The following SUOX variants were observed in gnomAD, a reference collection of about 807,000 sequenced individuals.
SUOX encodes sulfite oxidase, also known as sulfite oxidase, mitochondrial.
In SUOX, 39 loss-of-function variants were observed where a neutral mutation model predicts 41.9. That is an observed-to-expected ratio of 0.93 (90% confidence interval 0.72 to 1.21). The LOEUF (loss-of-function observed/expected upper bound fraction) is 1.21, where lower values mean the gene tolerates loss of function less well. SUOX is among the 50% of genes most tolerant of loss of function. The pLI is 0.00. For synonymous variants in SUOX, 220 were observed against 268.4 expected (o/e 0.82, Z 1.76); for missense variants, 633 against 689.5 (o/e 0.92, Z 0.92).
chr12:56,004,955 G>A lies in SUOX; in HGVS notation c.1566G>A (p.Val522=), dbSNP rs751054277. The change falls in exon 5 of 5, where the codon GTG becomes GTA. Residue 522 remains valine, a synonymous_variant. Coordinates refer to ENST00000266971, the MANE Select transcript of SUOX (RefSeq NM_001032386.2). The surrounding 1 kb of genome is among the most constrained non-coding windows in gnomAD (Gnocchi z 4.5). ...GTTACAATGTGCAGCCAGACACCGT[G>A]GCCCCAATCTGGAACCTGCGAGGTG... ...DDGYNVQPDT[V]APIWNLRGVL... The A allele has an allele frequency of 1.2e-6, 2 of 1,614,186 alleles. No individual in the cohort carries two copies. Among genetic ancestry groups the A allele is most frequent in the East Asian group, 2.2e-5 (1 of 44,890 alleles).
chr12:56,004,985 C>T lies in SUOX; in HGVS notation c.1596C>T (p.Leu532=). The T allele has an allele frequency of 1.2e-6, 2 of 1,614,008 alleles. No individual in the cohort carries two copies. The highest frequency in any genetic ancestry group is 1.7e-6 in the Non-Finnish European group (2 of 1,180,038). ...CAATCTGGAACCTGCGAGGTGTTCTCAGCAATGCCTGGCATCGTGTCCATG... is the reference window on the plus strand; with the variant it reads ...CAATCTGGAACCTGCGAGGTGTTCTTAGCAATGCCTGGCATCGTGTCCATG... ...VAPIWNLRGV[L]SNAWHRVHVY... is the part of the protein sequence containing the mutation. Residue 532 remains leucine (L), a synonymous_variant, in exon 5 of 5, where the codon CTC becomes CTT. Transcript: ENST00000266971. The surrounding 1 kb of genome is among the most constrained non-coding windows in gnomAD (Gnocchi z 4.5).
rs1890708175 is a variant in SUOX at position 56,005,480 on chromosome 12, C to T, written c.*453C>T. Reference sequence around the variant, plus strand: ...GAGAGCAAGGGGCACAACCGTCTCCCTTTATAGTTCTACTTTTCTAATAAA... The same window carrying T: ...GAGAGCAAGGGGCACAACCGTCTCCTTTTATAGTTCTACTTTTCTAATAAA... On this transcript the variant is annotated 3_prime_UTR_variant, in exon 5 of 5. Coordinates refer to ENST00000266971, the MANE Select transcript of SUOX (RefSeq NM_001032386.2). The T allele has an allele frequency of 2.4e-6, 1 of 408,866 alleles. No individual in the cohort carries two copies. The highest frequency in any genetic ancestry group is 4.3e-6 in the Non-Finnish European group (1 of 230,574). 25.3% of individuals were successfully genotyped at this position (408,866 alleles called of 1,614,324 possible). A position where few individuals can be genotyped will look rare whatever the true frequency, so the allele number is the denominator to read the frequency against.
At chr12:56,001,147 TG>T (rs1890511232) in intron 2 of SUOX, among the ~76,000 whole-genome samples, 2 of 89,868 alleles carry the variant, frequency 2.2e-5, no homozygotes, top group Non-Finnish European at 4.3e-5. Flanking sequence ...TTTTTTGAGA[TG>T]GAGTCTCTCT....
At position 56,004,679 on chromosome 12, in the gene SUOX, A is replaced by C. The variant is rs1890676035; in HGVS notation, c.1290A>C (p.Thr430=). The C allele has an allele frequency of 6.2e-7, 1 of 1,613,786 alleles. No individual in the cohort carries two copies. The highest frequency in any genetic ancestry group is 1.3e-5 in the African/African-American group (1 of 74,914). ...AACTTCCTGTCCAGTCGGCCATCAC[A>C]GAGCCCCGGGATGGAGAGACTGTAG... is the stretch of plus-strand genomic sequence containing the variant. ...IQELPVQSAI[T]EPRDGETVES... The change falls in exon 5 of 5, where the codon ACA becomes ACC. Residue 430 remains threonine, a synonymous_variant. Transcript: ENST00000266971. This position sits in a 1 kb window ranked among gnomAD's most constrained non-coding sequence, Gnocchi z 4.5.
Position 56,005,485 on chromosome 12 carries a change from T to C in SUOX, c.*458T>C. ...CAAGGGGCACAACCGTCTCCCTTTA[T>C]AGTTCTACTTTTCTAATAAATAGTC... On this transcript the variant is annotated 3_prime_UTR_variant, in exon 5 of 5. Coordinates refer to ENST00000266971, the MANE Select transcript of SUOX (RefSeq NM_001032386.2). 2.5e-6 allele frequency: 1 copy of C among 399,908 alleles called. No homozygotes were observed. Among genetic ancestry groups the C allele is most frequent in the Non-Finnish European group, 4.4e-6 (1 of 224,726 alleles). The allele number at this position is 399,908 out of a possible 1,614,324, so 24.8% of individuals were successfully genotyped here.
intron 3 of SUOX, 27 bp downstream of exon 3, chr12:56,002,298 C>T: frequency 6.2e-7 from 1 of 1,607,768 alleles, no homozygotes. Flanking sequence ...CAGGACTTGC[C>T]TCCTAGCCCC....
intron 2 of SUOX, chr12:56,001,332 C>T (rs1890519853): frequency 1.3e-5 from 2 of 148,698 alleles, no homozygotes; most frequent in African/African-American, 5.0e-5. Context: ...CCATTTTGGC[C>T]AGGCTGGTCT....
Position 56,004,011 on chromosome 12 carries a change from A to G in SUOX, c.622A>G (p.Ile208Val). ...CCCTGAGCTGCTGACAGAAAACTAC[A>G]TCACACCCAACCCTATCTTCTTCAC... ...PPPELLTENY[I>V]TPNPIFFTRN... Residue 208 changes from isoleucine to valine, a missense_variant, in exon 5 of 5, where the codon ATC becomes GTC. Coordinates refer to ENST00000266971, the MANE Select transcript of SUOX (RefSeq NM_001032386.2). The surrounding 1 kb of genome is among the most constrained non-coding windows in gnomAD (Gnocchi z 4.5). 1 of 1,614,102 alleles carries G rather than the reference A, an allele frequency of 6.2e-7. No individual in the cohort carries two copies. The highest frequency in any genetic ancestry group is 8.5e-7 in the Non-Finnish European group (1 of 1,180,008).
intron 2 of SUOX, among the ~76,000 whole-genome samples, chr12:55,999,749 G>C (rs530569153): frequency 1.6e-3 from 250 of 152,306 alleles, no homozygotes; most frequent in Non-Finnish European, 3.2e-3. Flanking sequence ...CTCTTATCTG[G>C]TGCCACCCAC....
Position 56,004,340 on chromosome 12 carries a change from C to T in SUOX, c.951C>T (p.Cys317=), listed in dbSNP as rs1340558268. The T allele has an allele frequency of 3.7e-6, 6 of 1,614,026 alleles. No individual in the cohort carries two copies. Among genetic ancestry groups the T allele is most frequent in the Admixed American group, 1.7e-5 (1 of 60,010 alleles). Residue 317 remains cysteine, a synonymous_variant, in exon 5 of 5, where the codon TGC becomes TGT. Coordinates refer to ENST00000266971, the MANE Select transcript of SUOX (RefSeq NM_001032386.2). The surrounding 1 kb of genome is among the most constrained non-coding windows in gnomAD (Gnocchi z 4.5). ...HQLCETEAHV[C]FEGLDSDPTG... ...TCTGTGAAACTGAGGCCCACGTCTG[C>T]TTTGAGGGACTGGACTCAGACCCTA... is the stretch of plus-strand genomic sequence containing the variant.
rs1363762298 is a variant in SUOX, at chr12:55,998,994, T to C, written c.-11+1271T>C. ...TGCCCAGTTAATTTGTTTTTTTTTT[T>C]CTAGAGACACAGTCTCACTATGTTG... On this transcript the variant is annotated intron_variant, in intron 2 of 4. Coordinates refer to ENST00000266971, the MANE Select transcript of SUOX (RefSeq NM_001032386.2). 3.3e-5 allele frequency among the ~76,000 whole-genome samples: 5 copies of C among 151,858 alleles called. No homozygotes were observed. The South Asian group carries it at 8.3e-4, about 25-fold the overall frequency.
At chr12:55,999,553 C>G (rs1081975) in intron 2 of SUOX, 60,309 of 153,236 alleles carry the variant, frequency 0.39, 12,107 homozygotes, top group African/African-American at 0.45. Flanking sequence ...TGGGTTCGTG[C>G]TCTTGCTGGC....
intron 4 of SUOX, chr12:56,003,031 T>C (rs1453194502): frequency 8.7e-5 from 17 of 195,704 alleles, no homozygotes; most frequent in South Asian, 2.0e-4. Flanking sequence ...AGACTCCATC[T>C]CAAAAAAAAA....
chr12:56,003,188 C>A lies in SUOX; in HGVS notation c.229-430C>A, dbSNP rs975950443. 1.6e-5 allele frequency: 4 copies of A among 247,942 alleles called. No homozygotes were observed. In the South Asian group the frequency reaches 2.2e-4, roughly 13 times the overall value. The allele number at this position is 247,942 out of a possible 1,614,324, so 15.4% of individuals were successfully genotyped here. A position where few individuals can be genotyped will look rare whatever the true frequency, so the allele number is the denominator to read the frequency against. On this transcript the variant is annotated intron_variant, in intron 4 of 4. Transcript: ENST00000266971. Reference sequence around the variant, plus strand: ...ATGAAATCTGCTAATCTGCTACCTTCGCTTCCCAGTGGCCAACACCGTGGG... The same window carrying A: ...ATGAAATCTGCTAATCTGCTACCTTAGCTTCCCAGTGGCCAACACCGTGGG...
Position 56,003,682 on chromosome 12 carries a change from C to T in SUOX, c.293C>T (p.Thr98Ile), listed in dbSNP as rs1890616969. 1.2e-6 allele frequency: 2 copies of T among 1,613,556 alleles called. No homozygotes were observed. Among genetic ancestry groups the T allele is most frequent in the Admixed American group, 3.3e-5 (2 of 59,940 alleles). The change falls in exon 5 of 5, where the codon ACT (threonine) becomes ATT (isoleucine). Residue 98 changes from threonine (T) to isoleucine (I), a missense_variant. Coordinates refer to ENST00000266971, the MANE Select transcript of SUOX (RefSeq NM_001032386.2). The part of the protein sequence containing the change: ...EEVSSHTSPE[T>I]GIWVTLGSEV... ...GTGAGTTCCCACACCAGCCCTGAGA[C>T]TGGGATCTGGGTGACTCTGGGCTCT... is the stretch of plus-strand genomic sequence containing the variant.
Position 56,003,604 on chromosome 12 carries a change from TTCC to T in SUOX, c.229-13_229-11del, listed in dbSNP as rs755385213. Reference sequence around the variant, plus strand: ...AGTCTCTTCCCTTTTATCTTACTCCTTCCCTGCCAATAGGCTGCTCAGGAGTCA... The same window carrying T: ...AGTCTCTTCCCTTTTATCTTACTCCTCTGCCAATAGGCTGCTCAGGAGTCA... On this transcript the variant is annotated splice_polypyrimidine_tract_variant and intron_variant, in intron 4 of 4. Coordinates refer to ENST00000266971, the MANE Select transcript of SUOX (RefSeq NM_001032386.2). 5.6e-6 allele frequency: 9 copies of T among 1,613,028 alleles called. No individual in the cohort carries two copies. The South Asian group carries it at 7.7e-5, about 14-fold the overall frequency.
Position 56,005,441 on chromosome 12 carries a change from CAG to C in SUOX, c.*419_*420del. 2.1e-6 allele frequency: 1 copy of C among 473,818 alleles called. No homozygotes were observed. Among genetic ancestry groups the C allele is most frequent in the Non-Finnish European group, 3.7e-6 (1 of 270,264 alleles). 29.4% of individuals were successfully genotyped at this position (473,818 alleles called of 1,614,324 possible). ...ATCTTATACTACCTCTCCAGGTTGC[CAG>C]AGAGTTGCGAGGAGAGCAAGGGGCA... On this transcript the variant is annotated 3_prime_UTR_variant, in exon 5 of 5. Transcript: ENST00000266971.
Position 56,004,948 on chromosome 12 carries a change from A to T in SUOX, c.1559A>T (p.Asp520Val). Residue 520 changes from aspartate (D) to valine (V), a missense_variant, in exon 5 of 5, where the codon GAC becomes GTC. By Grantham distance (152) the Asp-to-Val change is radical. Coordinates refer to ENST00000266971, the MANE Select transcript of SUOX (RefSeq NM_001032386.2). The surrounding 1 kb of genome is among the most constrained non-coding windows in gnomAD (Gnocchi z 4.5). ...AVDDGYNVQP[D>V]TVAPIWNLRG... ...GATGATGGTTACAATGTGCAGCCAG[A>T]CACCGTGGCCCCAATCTGGAACCTG... 6.2e-7 allele frequency: 1 copy of T among 1,614,200 alleles called. No individual in the cohort carries two copies. Among genetic ancestry groups the T allele is most frequent in the Non-Finnish European group, 8.5e-7 (1 of 1,180,042 alleles).
intron 4 of SUOX, chr12:56,002,964 C>A: frequency 2.2e-6 from 1 of 451,208 alleles, no homozygotes; most frequent in East Asian, 4.6e-5. Flanking sequence ...GAGGCTAAGT[C>A]TGCAGTGAGC....
Sources: allele counts gnomAD v4.1 joint callset (sites outside exome capture counted in the v4.1 genomes callset), GRCh38; gene constraint gnomAD v4.1.1; non-coding constraint Gnocchi (gnomAD v3.1); transcripts MANE v1.5; gene names NCBI Gene and HGNC (gene_info 2026-07-23, HGNC 2026-07-21).